IL19: variants seen among roughly 807,000 people sequenced by gnomAD.
IL19 encodes interleukin 19, also known as interleukin-19.
Under a neutral mutation model 19.5 loss-of-function variants are expected in IL19, and 15 were observed. The observed-to-expected ratio is 0.77, with a 90% CI of 0.52 to 1.19. IL19 has a LOEUF of 1.19. Ranked by LOEUF, IL19 falls within the 50% of genes most tolerant of loss-of-function variation. IL19 has a pLI of 0.00. For missense variants in IL19, 199 were observed against 213.1 expected, an observed-to-expected ratio of 0.93 and a Z score of 0.41; for synonymous variants, 78 against 78.3, an observed-to-expected ratio of 1.00 and a Z score of 0.02.
chr1:206,842,753 A>C lies in IL19; in HGVS notation c.*131A>C, dbSNP rs1677061463. 3.3e-6 allele frequency: 2 copies of C among 608,034 alleles called. No homozygotes were observed. The highest frequency in any genetic ancestry group is 3.7e-5 in the African/African-American group (2 of 54,014). The allele number at this position is 608,034 out of a possible 1,614,324, so 37.7% of individuals were successfully genotyped here. ...GCTGAAAGTCCCACTGGCTGGCCTC[A>C]GGCTGTCTTATTCCGCTTGAAAATA... On this transcript the variant is annotated 3_prime_UTR_variant, in exon 7 of 7. Transcript: ENST00000659997.
chr1:206,802,160 A>G (rs571479045), intron 2 of IL19, among the ~76,000 whole-genome samples: 151 of 152,308 alleles, frequency 9.9e-4, no homozygotes, highest in African/African-American at 3.5e-3. Context: ...TAGAGAAGGG[A>G]ACAGAGGCCC....
At chr1:206,822,433 C>T (rs1490728212) in intron 2 of IL19, among the ~76,000 whole-genome samples, 2 of 152,220 alleles carry the variant, frequency 1.3e-5, no homozygotes, top group Non-Finnish European at 1.5e-5. Context: ...TTAAACCTCA[C>T]TTCCTTAGAG....
chr1:206,801,507 A>G (rs1054206660), intron 2 of IL19, among the ~76,000 whole-genome samples: 3 of 152,142 alleles, frequency 2.0e-5, no homozygotes, highest in African/African-American at 7.2e-5. Context: ...CCAACTGCCT[A>G]TCTCAGACCT....
chr1:206,819,411 C>T (rs1676239623), intron 2 of IL19, among the ~76,000 whole-genome samples: 1 of 151,784 alleles, frequency 6.6e-6, no homozygotes, highest in South Asian at 2.1e-4. Flanking sequence ...TGGTGAAACC[C>T]CATCTCTACT....
intron 1 of IL19, among the ~76,000 whole-genome samples, chr1:206,773,587 T>TGTGTGTGTGC (rs1674917346): frequency 8.4e-4 from 2 of 2,384 alleles, no homozygotes; most frequent in African/African-American, 1.6e-3. Context: ...GTCTTGGATT[T>TGTGTGTGTGC]GTGTGTGTGT....
At chr1:206,820,176 A>G (rs1380967197) in intron 2 of IL19, among the ~76,000 whole-genome samples, 1 of 152,144 alleles carries the variant, frequency 6.6e-6, no homozygotes, top group Non-Finnish European at 1.5e-5. Context: ...GTATTTACTG[A>G]CTTTGATAAA....
chr1:206,795,190 T>C (rs1235222381), intron 1 of IL19, among the ~76,000 whole-genome samples: 1 of 152,184 alleles, frequency 6.6e-6, no homozygotes, highest in Non-Finnish European at 1.5e-5. Flanking sequence ...GCTGGTACAG[T>C]TCAGCCTGAC....
intron 1 of IL19, among the ~76,000 whole-genome samples, chr1:206,785,557 C>T (rs1675251760): frequency 6.6e-6 from 1 of 152,120 alleles, no homozygotes; most frequent in South Asian, 2.1e-4. Flanking sequence ...TGTGGTTAAG[C>T]AGAGCAGAAG....
chr1:206,827,478 C>A (rs1174236794), intron 2 of IL19, among the ~76,000 whole-genome samples: 1 of 152,086 alleles, frequency 6.6e-6, no homozygotes, highest in African/African-American at 2.4e-5. Context: ...ATCACGAGGT[C>A]AGGAGATCGA....
intron 1 of IL19, among the ~76,000 whole-genome samples, chr1:206,791,690 G>A (rs1035725542): frequency 6.6e-5 from 10 of 152,188 alleles, no homozygotes; most frequent in Admixed American, 5.9e-4. Context: ...CCTCTCACTA[G>A]CGTTTTGGCT....
chr1:206,818,154 CTGT>C (rs1676210057), intron 2 of IL19, among the ~76,000 whole-genome samples: 1 of 152,228 alleles, frequency 6.6e-6, no homozygotes, highest in Non-Finnish European at 1.5e-5. Flanking sequence ...TTAAATAACA[CTGT>C]CAACCAAGTT....
chr1:206,842,491 A>C (rs772096252), intron 6 of IL19, 36 bp from the exon 7 acceptor site: 1 of 1,266,538 alleles, frequency 7.9e-7, no homozygotes, highest in Non-Finnish European at 1.1e-6. Context: ...TACACAGTCT[A>C]GAAAGGTGGG....
chr1:206,771,330 C>T (rs745369836), intron 1 of IL19: 5 of 1,602,588 alleles, frequency 3.1e-6, no homozygotes, highest in Non-Finnish European at 4.3e-6. Context: ...CTGCACACTC[C>T]CCCAGCACCC....
At chr1:206,807,638 C>T (rs1675882157) in intron 2 of IL19, among the ~76,000 whole-genome samples, 1 of 152,150 alleles carries the variant, frequency 6.6e-6, no homozygotes, top group Non-Finnish European at 1.5e-5. Context: ...TTATTTCAGA[C>T]CACTAATCAC....
intron 2 of IL19, among the ~76,000 whole-genome samples, chr1:206,816,329 G>A (rs1021412224): frequency 2.6e-5 from 4 of 152,058 alleles, no homozygotes; most frequent in African/African-American, 9.7e-5. Flanking sequence ...ATGTACTTTG[G>A]AATTTATAAA....
At chr1:206,790,336 C>A (rs1326215547) in intron 1 of IL19, among the ~76,000 whole-genome samples, 1 of 152,012 alleles carries the variant, frequency 6.6e-6, no homozygotes, top group Admixed American at 6.6e-5. Flanking sequence ...CTCTCAGTAT[C>A]CCAGAAAAAA....
At chr1:206,779,725 T>G (rs1018200157) in intron 1 of IL19, among the ~76,000 whole-genome samples, 5 of 152,144 alleles carry the variant, frequency 3.3e-5, no homozygotes, top group African/African-American at 1.2e-4. Flanking sequence ...ATAACTTCCT[T>G]TATCATCTGA....
At chr1:206,802,068 C>G (rs562941000) in intron 2 of IL19, among the ~76,000 whole-genome samples, 1 of 152,272 alleles carries the variant, frequency 6.6e-6, no homozygotes, top group East Asian at 1.9e-4. Context: ...ACAGGGGGCT[C>G]CCAGCATGGT....
chr1:206,778,019 G>A (rs1399601475), intron 1 of IL19, among the ~76,000 whole-genome samples: 1 of 152,198 alleles, frequency 6.6e-6, no homozygotes, highest in Non-Finnish European at 1.5e-5. Context: ...CCTGACATTG[G>A]CTTTGATAGT....
Sources: gnomAD v4.1 joint callset for allele counts (sites outside exome capture counted in the v4.1 genomes callset) on GRCh38, gnomAD v4.1.1 for gene constraint, MANE v1.5 for transcripts, NCBI Gene and HGNC (gene_info 2026-07-23, HGNC 2026-07-21) for gene names.